Variants in APBA2 observed in about 807,000 individuals in gnomAD.
The protein encoded by APBA2 is amyloid beta precursor protein binding family A member 2.
A neutral mutation model predicts 75.0 loss-of-function variants in APBA2; 30 were observed. That is an observed-to-expected ratio of 0.40 (90% CI 0.30 to 0.54). APBA2 has a LOEUF of 0.54. Ranked by LOEUF, APBA2 falls within the 20% of genes least tolerant of loss-of-function variation. The pLI, the probability that APBA2 is intolerant of heterozygous loss-of-function variation, is 0.49. For missense variants in APBA2, 801 were observed against 1,016.1 expected (o/e 0.79, Z 2.88); for synonymous variants, 444 against 409.6 (o/e 1.08, Z -1.01).
intron 2 of APBA2, among the ~76,000 whole-genome samples, chr15:28,929,576 C>T (rs1314318047): frequency 6.6e-6 from 1 of 152,112 alleles, no homozygotes; most frequent in African/African-American, 2.4e-5. Context: ...CAGCGTTGGC[C>T]CAGGCGACAC....
At chr15:29,048,731 C>T (rs1230311751) in intron 3 of APBA2, among the ~76,000 whole-genome samples, 3 of 151,312 alleles carry the variant, frequency 2.0e-5, no homozygotes, top group South Asian at 2.1e-4. Flanking sequence ...GTCAAGAGAT[C>T]GAGACCATCC....
intron 5 of APBA2, 114 bp from the exon 6 acceptor site, chr15:29,075,941 T>TG: frequency 2.2e-6 from 2 of 917,846 alleles, no homozygotes; most frequent in Admixed American, 1.7e-5. Context: ...CCATCACTCA[T>TG]GGGGGGTTTG....
intron 3 of APBA2, among the ~76,000 whole-genome samples, chr15:29,034,740 A>G (rs998677209): frequency 1.3e-5 from 2 of 152,228 alleles, no homozygotes; most frequent in African/African-American, 4.8e-5. Context: ...TGCAGGCATC[A>G]GAATCCCCTG....
intron 3 of APBA2, among the ~76,000 whole-genome samples, chr15:29,036,582 T>G (rs2040764318): frequency 6.6e-6 from 1 of 152,050 alleles, no homozygotes; most frequent in Non-Finnish European, 1.5e-5. Context: ...GTATGAGGGT[T>G]TGGGGTGCAG....
chr15:28,898,458 G>A (rs1172198983), intron 1 of APBA2, among the ~76,000 whole-genome samples: 3 of 152,160 alleles, frequency 2.0e-5, no homozygotes, highest in Non-Finnish European at 2.9e-5. Context: ...GCCACGTAAC[G>A]TTGAGCAAAA....
chr15:29,070,067 T>C (rs1233997601), intron 4 of APBA2, among the ~76,000 whole-genome samples: 3 of 152,266 alleles, frequency 2.0e-5, no homozygotes, highest in African/African-American at 7.2e-5. Context: ...CTAGAGCTGA[T>C]GGACTCAGCA....
chr15:29,071,262 C>T (rs2042609983), intron 4 of APBA2, among the ~76,000 whole-genome samples: 1 of 152,106 alleles, frequency 6.6e-6, no homozygotes. Context: ...GATTTATTGG[C>T]ATTAGTGTAT....
At chr15:28,898,482 A>G (rs908651675) in intron 1 of APBA2, among the ~76,000 whole-genome samples, 8 of 152,198 alleles carry the variant, frequency 5.3e-5, no homozygotes, top group Admixed American at 2.0e-4. Flanking sequence ...CCCAGATGCT[A>G]GAGTGTGTAA....
intron 6 of APBA2, among the ~76,000 whole-genome samples, chr15:29,082,807 T>G (rs2043138686): frequency 6.6e-6 from 1 of 152,186 alleles, no homozygotes; most frequent in Admixed American, 6.5e-5. Context: ...ATGCCTGTAA[T>G]CCCAGCACTT....
chr15:29,039,769 A>T (rs1199666259), intron 3 of APBA2, among the ~76,000 whole-genome samples: 4 of 152,078 alleles, frequency 2.6e-5, no homozygotes, highest in Non-Finnish European at 4.4e-5. Flanking sequence ...AACTTAATGT[A>T]CCTCCCCAAA....
chr15:28,946,859 G>A (rs563519351), intron 2 of APBA2, among the ~76,000 whole-genome samples: 7 of 152,198 alleles, frequency 4.6e-5, no homozygotes, highest in Admixed American at 1.3e-4. Flanking sequence ...GATTATAGGC[G>A]TGAGCCACTG....
intron 2 of APBA2, among the ~76,000 whole-genome samples, chr15:28,966,341 AG>A (rs752198837): frequency 7.9e-5 from 12 of 151,858 alleles, no homozygotes; most frequent in Non-Finnish European, 1.6e-4. Context: ...TCTCTTGGCA[AG>A]ATTTGTTTTT....
At chr15:29,056,738 G>A (rs965459813) in intron 4 of APBA2, among the ~76,000 whole-genome samples, 1 of 150,646 alleles carries the variant, frequency 6.6e-6, no homozygotes, top group Non-Finnish European at 1.5e-5. Context: ...AGAGTTCCAG[G>A]CTGACAAGTA....
At chr15:29,105,321 G>C in intron 10 of APBA2, 58 bp from the exon 11 acceptor site, 1 of 1,556,590 alleles carries the variant, frequency 6.4e-7, no homozygotes, top group African/African-American at 1.4e-5. Flanking sequence ...CCCTGCTGAG[G>C]AGGCTGCGGG....
At chr15:28,935,260 G>A (rs1412783581) in intron 2 of APBA2, among the ~76,000 whole-genome samples, 12 of 152,222 alleles carry the variant, frequency 7.9e-5, no homozygotes. Context: ...GATGCACCTC[G>A]TGGCCCAGTC....
chr15:29,102,631 T>C (rs911784206), intron 10 of APBA2: 1 of 152,220 alleles, frequency 6.6e-6, no homozygotes, highest in Non-Finnish European at 1.5e-5. Flanking sequence ...TGGTGGTGCG[T>C]GCCTGTAATC....
At chr15:29,085,506 C>G (rs1435244217) in intron 6 of APBA2, among the ~76,000 whole-genome samples, 1 of 123,138 alleles carries the variant, frequency 8.1e-6, no homozygotes, top group Non-Finnish European at 1.6e-5. Flanking sequence ...GCCTGGGCGA[C>G]AGAGTAAGAC....
At position 29,117,583 on chromosome 15, in the gene APBA2, C is replaced by A. The variant is rs1313311971; in HGVS notation, c.*450C>A. ...GTCCTGTGGGGCCCCCACAATGGTC[C>A]CAAACAGCTGCCTCTGCCACTGACT... is the stretch of plus-strand genomic sequence containing the variant. On this transcript the variant is annotated 3_prime_UTR_variant, in exon 15 of 15. Coordinates refer to ENST00000683413, the MANE Select transcript of APBA2 (RefSeq NM_001353788.2). 5.4e-6 allele frequency: 1 copy of A among 186,822 alleles called. No homozygotes were observed. The highest frequency in any genetic ancestry group is 1.1e-5 in the Non-Finnish European group (1 of 89,008). 11.6% of individuals were successfully genotyped at this position (186,822 alleles called of 1,614,324 possible). A position where few individuals can be genotyped will look rare whatever the true frequency, so the allele number is the denominator to read the frequency against.
chr15:28,975,205 T>A (rs1445557664), intron 2 of APBA2, among the ~76,000 whole-genome samples: 9 of 150,806 alleles, frequency 6.0e-5, no homozygotes, highest in African/African-American at 1.5e-4. Context: ...CAGAAAGTTT[T>A]AAAAAAAAAT....
Sources: gnomAD v4.1 joint callset for allele counts (sites outside exome capture counted in the v4.1 genomes callset) on GRCh38, gnomAD v4.1.1 for gene constraint, MANE v1.5 for transcripts, NCBI Gene and HGNC (gene_info 2026-07-23, HGNC 2026-07-21) for gene names.